The following SLC35A3 variants were observed in gnomAD, a reference collection of about 807,000 sequenced individuals.
SLC35A3 encodes solute carrier family 35 member A3, also known as UDP-N-acetylglucosamine transporter.
Under a neutral mutation model 39.0 loss-of-function variants are expected in SLC35A3, and 26 were observed. The observed-to-expected ratio is 0.67, with a 90% CI of 0.49 to 0.92. The LOEUF (loss-of-function observed/expected upper bound fraction) is 0.92. Ranked by LOEUF, SLC35A3 falls within the 40% of genes least tolerant of loss-of-function variation. The pLI, the probability that SLC35A3 is intolerant of heterozygous loss-of-function variation, is 0.00. For missense variants in SLC35A3, 299 were observed against 371.6 expected (o/e 0.80, Z 1.61); for synonymous variants, 135 against 133.1 (o/e 1.01, Z -0.10).
chr1:100,003,481 AG>A (rs1215572327), intron 3 of SLC35A3, among the ~76,000 whole-genome samples: 4 of 151,882 alleles, frequency 2.6e-5, no homozygotes, highest in Admixed American at 2.0e-4. Flanking sequence ...TGGTCTGAGA[AG>A]ATACTTGATA....
rs1292686215 is a variant in SLC35A3, at chr1:100,026,840, T to G, written c.*4364T>G. 9.7e-6 allele frequency: 2 copies of G among 206,126 alleles called. No homozygotes were observed. Among genetic ancestry groups the G allele is most frequent in the Non-Finnish European group, 9.6e-6 (1 of 104,362 alleles). The allele number at this position is 206,126 out of a possible 1,614,324, so 12.8% of individuals were successfully genotyped here. On this transcript the variant is annotated 3_prime_UTR_variant, in exon 8 of 8. Transcript: ENST00000533028. ...ATATTTAAATTTTTTATGGACATAA[T>G]TCAAAGGAATGTATAAATTGGTCTT... is the stretch of plus-strand genomic sequence containing the variant.
intron 1 of SLC35A3, among the ~76,000 whole-genome samples, chr1:99,988,809 A>G (rs1025568724): frequency 1.3e-5 from 2 of 150,012 alleles, no homozygotes; most frequent in African/African-American, 4.9e-5. Flanking sequence ...TCTGTTGCCC[A>G]GGCTAGAATA....
At chr1:99,989,969 C>T (rs542696953) in intron 1 of SLC35A3, among the ~76,000 whole-genome samples, 2 of 151,962 alleles carry the variant, frequency 1.3e-5, no homozygotes, top group Non-Finnish European at 2.9e-5. Flanking sequence ...GTTGTCCAAG[C>T]TGGTCTTGAA....
chr1:99,997,697 C>T (rs760536622), intron 2 of SLC35A3, among the ~76,000 whole-genome samples: 1 of 150,300 alleles, frequency 6.7e-6, no homozygotes, highest in Non-Finnish European at 1.5e-5. Context: ...AAGTATACCT[C>T]TCTTGGACAT....
At position 100,023,150 on chromosome 1, in the gene SLC35A3, G is replaced by A. The variant is rs1441256700; in HGVS notation, c.*674G>A. The A allele has an allele frequency of 6.6e-6, 1 of 152,136 alleles. No homozygotes were observed. Among genetic ancestry groups the A allele is most frequent in the African/African-American group, 2.4e-5 (1 of 41,438 alleles). 9.4% of individuals were successfully genotyped at this position (152,136 alleles called of 1,614,324 possible). ...TAAGATATTTTAGTGCTTCAAGACT[G>A]CTGAAAGCAATCCAGTTGCTCCTGT... On this transcript the variant is annotated 3_prime_UTR_variant, in exon 8 of 8. Transcript: ENST00000533028.
At chr1:100,000,467 A>G (rs2101210776) in intron 3 of SLC35A3, among the ~76,000 whole-genome samples, 1 of 152,134 alleles carries the variant, frequency 6.6e-6, no homozygotes, top group Non-Finnish European at 1.5e-5. Flanking sequence ...TATTATGGAT[A>G]TTAGTTTCTT....
intron 1 of SLC35A3, 96 bp downstream of exon 1, chr1:99,970,258 A>T (rs1656721902): frequency 7.0e-6 from 2 of 285,558 alleles, no homozygotes. Context: ...AAGAGGAGGC[A>T]TGCGAGGGGG....
rs546647284 is a variant in SLC35A3, at chr1:100,026,814, T to C, written c.*4338T>C. Reference sequence around the variant, plus strand: ...CTTTTGGGTTTGATAATGTAATTTGTATATTTAAATTTTTTATGGACATAA... The same window carrying C: ...CTTTTGGGTTTGATAATGTAATTTGCATATTTAAATTTTTTATGGACATAA... On this transcript the variant is annotated 3_prime_UTR_variant, in exon 8 of 8. Coordinates refer to ENST00000533028, the MANE Select transcript of SLC35A3 (RefSeq NM_012243.3). The C allele has an allele frequency of 5.7e-6, 1 of 174,086 alleles. No homozygotes were observed. The highest frequency in any genetic ancestry group is 2.4e-5 in the African/African-American group (1 of 42,504). The allele number at this position is 174,086 out of a possible 1,614,324, so 10.8% of individuals were successfully genotyped here. A position where few individuals can be genotyped will look rare whatever the true frequency, so the allele number is the denominator to read the frequency against.
intron 1 of SLC35A3, among the ~76,000 whole-genome samples, chr1:99,990,602 A>T (rs189287426): frequency 2.0e-5 from 3 of 152,226 alleles, no homozygotes; most frequent in Admixed American, 1.3e-4. Context: ...AAATACATAG[A>T]TCTCATTATT....
Position 100,029,517 on chromosome 1 carries a change from GCCT to G in SLC35A3, c.*7045_*7047del, listed in dbSNP as rs1387028219. 2 of 139,282 alleles carry G rather than the reference GCCT, an allele frequency of 1.4e-5. No individual in the cohort carries two copies. The highest frequency in any genetic ancestry group is 3.0e-5 in the Non-Finnish European group (2 of 66,562). 8.6% of individuals were successfully genotyped at this position (139,282 alleles called of 1,614,324 possible). ...ACGATCTCTGCTCACTGCAACCTCCGCCTCCTGGGTTTGAGCAATTCTCCTACC... is the reference window on the plus strand; with the variant it reads ...ACGATCTCTGCTCACTGCAACCTCCGCCTGGGTTTGAGCAATTCTCCTACC... On this transcript the variant is annotated 3_prime_UTR_variant, in exon 8 of 8. Coordinates refer to ENST00000533028, the MANE Select transcript of SLC35A3 (RefSeq NM_012243.3).
chr1:99,976,333 GTGTT>G (rs1265437913), intron 1 of SLC35A3, among the ~76,000 whole-genome samples: 3 of 152,110 alleles, frequency 2.0e-5, no homozygotes, highest in Admixed American at 6.5e-5. Context: ...TTTAGAAAAG[GTGTT>G]TGTTAAAAAA....
At chr1:100,002,961 GT>G (rs1350329625) in intron 3 of SLC35A3, among the ~76,000 whole-genome samples, 1 of 151,808 alleles carries the variant, frequency 6.6e-6, no homozygotes, top group African/African-American at 2.4e-5. Flanking sequence ...GGTTTGGTTT[GT>G]TCTTGCTTTT....
chr1:99,993,963 G>C (rs1158865517), intron 2 of SLC35A3, among the ~76,000 whole-genome samples: 2 of 151,998 alleles, frequency 1.3e-5, no homozygotes, highest in Non-Finnish European at 2.9e-5. Flanking sequence ...ATATAAAATA[G>C]TTTCTTGCAT....
chr1:100,016,883 A>G (rs1055269702), intron 6 of SLC35A3, among the ~76,000 whole-genome samples: 1 of 152,230 alleles, frequency 6.6e-6, no homozygotes, highest in Admixed American at 6.5e-5. Context: ...TATAACTGGT[A>G]TGAAGGATTC....
At position 100,033,709 on chromosome 1, in the gene SLC35A3, C is replaced by T. The variant is rs771469761; in HGVS notation, c.*11233C>T. 2 of 151,950 alleles carry T rather than the reference C, an allele frequency of 1.3e-5. No homozygotes were observed. The highest frequency in any genetic ancestry group is 2.9e-5 in the Non-Finnish European group (2 of 67,994). 9.4% of individuals were successfully genotyped at this position (151,950 alleles called of 1,614,324 possible). The stretch of plus-strand genomic sequence containing the variant: ...ACTCTTATCTAATTGTCTATGTGAC[C>T]GTCAGTGAATATATTATCTGTTCAT... On this transcript the variant is annotated 3_prime_UTR_variant, in exon 8 of 8. Coordinates refer to ENST00000533028, the MANE Select transcript of SLC35A3 (RefSeq NM_012243.3).
At chr1:100,006,182 T>C (rs1014462482) in intron 3 of SLC35A3, among the ~76,000 whole-genome samples, 1 of 152,084 alleles carries the variant, frequency 6.6e-6, no homozygotes, top group African/African-American at 2.4e-5. Context: ...GTGGCAAGGC[T>C]TTGCTGGGGA....
chr1:100,011,354 T>G lies in SLC35A3; in HGVS notation c.466-11T>G. 7.1e-7 allele frequency: 1 copy of G among 1,401,186 alleles called. No individual in the cohort carries two copies. The highest frequency in any genetic ancestry group is 9.6e-7 in the Non-Finnish European group (1 of 1,042,804). 86.8% of individuals were successfully genotyped at this position (1,401,186 alleles called of 1,614,324 possible). A position where few individuals can be genotyped will look rare whatever the true frequency, so the allele number is the denominator to read the frequency against. On this transcript the variant is annotated splice_polypyrimidine_tract_variant and intron_variant, in intron 4 of 7. Coordinates refer to ENST00000533028, the MANE Select transcript of SLC35A3 (RefSeq NM_012243.3). ...AAATTAAACTTCAATTTTATTTTTC[T>G]TCTTATTTAGTGGCCCTCAGATTCT...
chr1:100,007,623 CA>C (rs1221854702), intron 4 of SLC35A3: 2 of 151,710 alleles, frequency 1.3e-5, no homozygotes, highest in African/African-American at 4.8e-5. Context: ...TTCTAAGTTA[CA>C]TCTTTATTTT....
intron 1 of SLC35A3, among the ~76,000 whole-genome samples, chr1:99,972,831 G>A (rs12136218): frequency 0.044 from 6,764 of 152,228 alleles, 175 homozygotes; most frequent in African/African-American, 0.06. Flanking sequence ...CCATGTTTTA[G>A]TACCTCATTT....
Sources: allele counts gnomAD v4.1 joint callset (sites outside exome capture counted in the v4.1 genomes callset), GRCh38; gene constraint gnomAD v4.1.1; transcripts MANE v1.5; gene names NCBI Gene and HGNC (gene_info 2026-07-23, HGNC 2026-07-21).